COBL: variants seen among roughly 807,000 people sequenced by gnomAD.
COBL encodes cordon-bleu WH2 repeat protein, also known as protein cordon-bleu.
A neutral mutation model predicts 98.8 loss-of-function variants in COBL; 51 were observed. The ratio of observed to expected loss-of-function variants is 0.52; its 90% CI spans 0.41 to 0.65. The LOEUF (loss-of-function observed/expected upper bound fraction) is 0.65, where lower values mean the gene tolerates loss of function less well. Among genes scored for constraint, COBL ranks in the 30% least tolerant of loss-of-function variants. COBL has a pLI of 0.00. For missense variants in COBL, 1,617 were observed against 1,617.5 expected, an observed-to-expected ratio of 1.00 and a Z score of 0.01; for synonymous variants, 634 against 651.7, an observed-to-expected ratio of 0.97 and a Z score of 0.41.
chr7:51,031,284 C>T (rs1042910451), intron 8 of COBL: 7 of 187,246 alleles, frequency 3.7e-5, no homozygotes, highest in South Asian at 1.3e-4. Flanking sequence ...GCACAAAAGA[C>T]GGTTCACGTG....
At chr7:51,162,824 C>G (rs34927205) in intron 5 of COBL, among the ~76,000 whole-genome samples, 6 of 152,236 alleles carry the variant, frequency 3.9e-5, no homozygotes, top group Admixed American at 3.9e-4. Flanking sequence ...CTCCGCCAGG[C>G]TAAGCCTCTG....
chr7:51,080,013 TTG>T (rs1221906653), intron 7 of COBL, among the ~76,000 whole-genome samples: 1 of 152,172 alleles, frequency 6.6e-6, no homozygotes, highest in Non-Finnish European at 1.5e-5. Flanking sequence ...AGTGAGGGCT[TTG>T]TGCTTGGGCT....
At chr7:51,046,836 G>A (rs1003360791) in intron 7 of COBL, among the ~76,000 whole-genome samples, 1 of 152,084 alleles carries the variant, frequency 6.6e-6, no homozygotes, top group African/African-American at 2.4e-5. Context: ...GCAGGAGGAG[G>A]GCTGAATTGA....
At chr7:51,126,670 A>T (rs1798235107) in intron 6 of COBL, among the ~76,000 whole-genome samples, 1 of 152,056 alleles carries the variant, frequency 6.6e-6, no homozygotes, top group Admixed American at 6.5e-5. Context: ...GAAGTGACTG[A>T]TCTGGACGTC....
At chr7:51,288,691 T>C (rs1800604424) in intron 1 of COBL, among the ~76,000 whole-genome samples, 2 of 151,744 alleles carry the variant, frequency 1.3e-5, no homozygotes, top group South Asian at 4.2e-4. Flanking sequence ...GAGGTGGAGG[T>C]TGCAGTGAGC....
At position 51,085,284 on chromosome 7, in the gene COBL, A is replaced by T; in HGVS notation, c.978T>A (p.Ile326=). The change falls in exon 7 of 13, where the codon ATT becomes ATA. Residue 326 remains isoleucine, a synonymous_variant. Transcript: ENST00000265136. ...ASEKVSLGSQ[I]DLQKKKRRAP... is the part of the protein sequence containing the mutation. ...CTCGCCGCTTCTTCTTCTGTAAATCAATCTGTGACCCAAGAGATACCTATG... is the reference window on the plus strand; with the variant it reads ...CTCGCCGCTTCTTCTTCTGTAAATCTATCTGTGACCCAAGAGATACCTATG... 1 of 1,573,980 alleles carries T rather than the reference A, an allele frequency of 6.4e-7. No homozygotes were observed. Among genetic ancestry groups the T allele is most frequent in the South Asian group, 1.1e-5 (1 of 89,416 alleles).
chr7:51,111,338 TTC>T (rs1796805810), intron 6 of COBL, among the ~76,000 whole-genome samples: 2 of 152,324 alleles, frequency 1.3e-5, no homozygotes, highest in East Asian at 1.9e-4. Context: ...CATTTGCTTT[TTC>T]TCTCTTTGAT....
intron 2 of COBL, among the ~76,000 whole-genome samples, chr7:51,209,699 T>C (rs1295154187): frequency 6.6e-6 from 1 of 152,146 alleles, no homozygotes; most frequent in African/African-American, 2.4e-5. Context: ...CATGGTGTCC[T>C]CCAGTCCTCC....
At chr7:51,217,791 G>A (rs189380362) in intron 2 of COBL, among the ~76,000 whole-genome samples, 52 of 152,178 alleles carry the variant, frequency 3.4e-4, no homozygotes, top group African/African-American at 1.2e-3. Context: ...AATTTCTTAC[G>A]TTACAAAGTT....
intron 8 of COBL, among the ~76,000 whole-genome samples, chr7:51,042,503 G>A (rs1789296889): frequency 1.3e-5 from 2 of 151,934 alleles, no homozygotes; most frequent in African/African-American, 2.4e-5. Context: ...GGGACTACAG[G>A]CACATGCTAC....
chr7:51,020,200 G>A (rs1327753068), intron 12 of COBL, among the ~76,000 whole-genome samples: 1 of 152,184 alleles, frequency 6.6e-6, no homozygotes, highest in Non-Finnish European at 1.5e-5. Context: ...TGATGTCTGT[G>A]CCCCATTTTC....
intron 7 of COBL, among the ~76,000 whole-genome samples, chr7:51,067,145 G>A (rs1011776644): frequency 1.3e-5 from 2 of 152,132 alleles, no homozygotes; most frequent in Admixed American, 1.3e-4. Context: ...AAGCATACTG[G>A]CAGCAACAAG....
rs186803867 is a variant in COBL at position 51,129,824 on chromosome 7, C to T, written c.957+6334G>A. On this transcript the variant is annotated intron_variant, in intron 6 of 12. Coordinates refer to ENST00000265136, the MANE Select transcript of COBL (RefSeq NM_015198.5). ...ATGCAGCTGGCACAGTCAACTGTGA[C>T]GTGAGGCCAGCAGAGGCTTTAAAGC... 1.2e-3 allele frequency among the ~76,000 whole-genome samples: 186 copies of T among 152,230 alleles called. 1 individual carries two copies. The highest frequency in any genetic ancestry group is 3.2e-3 in the African/African-American group (133 of 41,548).
chr7:51,266,869 C>A, intron 1 of COBL, among the ~76,000 whole-genome samples: 1 of 151,986 alleles, frequency 6.6e-6, no homozygotes, highest in Admixed American at 6.6e-5. Context: ...GGGAGGAGTC[C>A]CAAGGCAAAT....
intron 5 of COBL, among the ~76,000 whole-genome samples, chr7:51,153,177 A>G (rs907798139): frequency 6.6e-6 from 1 of 152,264 alleles, no homozygotes; most frequent in Non-Finnish European, 1.5e-5. Context: ...AGCTCATAGC[A>G]TAAAAAAAAG....
chr7:51,069,706 G>T (rs1396216580), intron 7 of COBL, among the ~76,000 whole-genome samples: 1 of 152,188 alleles, frequency 6.6e-6, no homozygotes, highest in Non-Finnish European at 1.5e-5. Context: ...TGTGATTCAG[G>T]ATGTCTTTAT....
Position 51,095,413 on chromosome 7 carries a change from A to G in COBL, c.958-10109T>C, listed in dbSNP as rs180991615. Among the ~76,000 whole-genome samples the G allele has an allele frequency of 3.0e-4, 46 of 152,320 alleles. 1 individual carries two copies. The highest frequency in any genetic ancestry group is 1.0e-3 in the African/African-American group (43 of 41,568). On this transcript the variant is annotated intron_variant, in intron 6 of 12. Transcript: ENST00000265136. ...ACACAGCCAAACCATATTACTATGT[A>G]ACTACAAACGTCAACAAAATACAAA...
rs1554413513 is a variant in COBL, at chr7:51,170,534, T to TAA, written c.783+13567_783+13568insTT. On this transcript the variant is annotated intron_variant, in intron 5 of 12. Transcript: ENST00000265136. ...ATATATATATATATATATATATAAA[T>TAA]ATATATCACATACATATATATATGT... is the stretch of plus-strand genomic sequence containing the variant. 7.5e-3 allele frequency among the ~76,000 whole-genome samples: 1,006 copies of TAA among 134,432 alleles called. 10 individuals are homozygous for TAA. Among genetic ancestry groups the TAA allele is most frequent in the African/African-American group, 0.028 (978 of 35,360 alleles). The allele number at this position is 134,432 out of a possible 152,430, so 88.2% of individuals were successfully genotyped here. A position where few individuals can be genotyped will look rare whatever the true frequency, so the allele number is the denominator to read the frequency against.
chr7:51,166,926 A>G (rs777173326), intron 5 of COBL, among the ~76,000 whole-genome samples: 74 of 152,202 alleles, frequency 4.9e-4, no homozygotes, highest in Non-Finnish European at 1.2e-4. Flanking sequence ...AAAATTCTCA[A>G]AAAACTGGGG....
Sources: allele counts gnomAD v4.1 joint callset (sites outside exome capture counted in the v4.1 genomes callset), GRCh38; gene constraint gnomAD v4.1.1; transcripts MANE v1.5; gene names NCBI Gene and HGNC (gene_info 2026-07-23, HGNC 2026-07-21).